The following PRR14 variants were observed in gnomAD, a reference collection of about 807,000 sequenced individuals.
The protein encoded by PRR14 is proline-rich protein 14.
Under a neutral mutation model 57.2 loss-of-function variants are expected in PRR14, and 33 were observed. That is an observed-to-expected ratio of 0.58 (90% CI 0.44 to 0.77). The LOEUF is 0.77. PRR14 is among the 30% of genes least tolerant of loss of function. The pLI is 0.00. For missense variants in PRR14, 716 were observed against 788.1 expected (o/e 0.91, Z 1.10); for synonymous variants, 303 against 314.7 (o/e 0.96, Z 0.39).
At position 30,651,285 on chromosome 16, in the gene PRR14, CGTGGATCCCGGGGGATCTCG is replaced by C. The variant is rs1405832260; in HGVS notation, c.-51+160_-51+179del. 3.0e-6 allele frequency: 1 copy of C among 332,686 alleles called. No individual in the cohort carries two copies. The highest frequency in any genetic ancestry group is 5.9e-6 in the Non-Finnish European group (1 of 170,454). 20.6% of individuals were successfully genotyped at this position (332,686 alleles called of 1,614,324 possible). ...AATAGCCTCCCAGGACCGGGATCCC[CGTGGATCCCGGGGGATCTCG>C]GGGCATAATCTGCAGGGACAAAGGC... On this transcript the variant is annotated intron_variant, in intron 1 of 11. Transcript: ENST00000300835. This position sits in a 1 kb window ranked among gnomAD's most constrained non-coding sequence, Gnocchi z 5.0.
rs747672213 is a variant in PRR14 at position 30,655,878 on chromosome 16, A to G, written c.1417A>G (p.Lys473Glu). The G allele has an allele frequency of 1.9e-6, 3 of 1,614,166 alleles. No homozygotes were observed. The highest frequency in any genetic ancestry group is 1.7e-5 in the Admixed American group (1 of 60,030). Residue 473 changes from lysine (K) to glutamate (E), a missense_variant, in exon 11 of 12, where the codon AAG becomes GAG. Physicochemically the swap from Lys to Glu is moderately conservative, Grantham distance 56. Transcript: ENST00000300835. This position sits in a 1 kb window ranked among gnomAD's most constrained non-coding sequence, Gnocchi z 4.6. Reference protein sequence around the residue: ...GLPRPIRLNKKEFSLEEIYTN... With the variant: ...GLPRPIRLNKEEFSLEEIYTN... ...GCTCTTTGCTCACAGGTTGAACAAG[A>G]AGGAGTTCAGCTTGGAAGAAATTTA...
Position 30,653,051 on chromosome 16 carries a change from C to T in PRR14, c.452C>T (p.Pro151Leu). Residue 151 changes from proline (P) to leucine (L), a missense_variant, in exon 5 of 12, where the codon CCC (proline) becomes CTC (leucine). Coordinates refer to ENST00000300835, the MANE Select transcript of PRR14 (RefSeq NM_024031.5). ...PSQKVDRAPQ[P>L]TLVVMLEDIA... The stretch of plus-strand genomic sequence containing the variant: ...CAAAAGGTGGACCGGGCCCCCCAGC[C>T]CACCCTGGTGGTGATGCTGGAAGAC... The T allele has an allele frequency of 1.2e-6, 2 of 1,613,732 alleles. No individual in the cohort carries two copies. Among genetic ancestry groups the T allele is most frequent in the South Asian group, 2.2e-5 (2 of 91,064 alleles).
chr16:30,653,417 G>A lies in PRR14; in HGVS notation c.548+9G>A, dbSNP rs375615127. 1 of 1,613,196 alleles carries A rather than the reference G, an allele frequency of 6.2e-7. No individual in the cohort carries two copies. Among genetic ancestry groups the A allele is most frequent in the Non-Finnish European group, 8.5e-7 (1 of 1,179,376 alleles). The stretch of plus-strand genomic sequence containing the variant: ...ATCATCCCAGCACAAAGGTGAGAGG[G>A]CTGGAGTAGGGATTATCAAAGGATC... On this transcript the variant is annotated intron_variant, in intron 6 of 11. Coordinates refer to ENST00000300835, the MANE Select transcript of PRR14 (RefSeq NM_024031.5).
intron 6 of PRR14, 86 bp from the exon 7 acceptor site, chr16:30,654,142 AAG>A: frequency 6.7e-6 from 6 of 897,066 alleles, no homozygotes; most frequent in Non-Finnish European, 1.1e-5. Flanking sequence ...AAAAAAAAAA[AAG>A]AAGAAGCCTT....
In PRR14 at chr16:30,656,092, C is replaced by T. The variant is rs776822742; in HGVS notation, c.1539C>T (p.Ser513=). 2 of 1,559,870 alleles carry T rather than the reference C, an allele frequency of 1.3e-6. No individual in the cohort carries two copies. Among genetic ancestry groups the T allele is most frequent in the East Asian group, 4.5e-5 (2 of 44,564 alleles). Residue 513 remains serine, a synonymous_variant, in exon 12 of 12, where the codon AGC becomes AGT. Transcript: ENST00000300835. Reference sequence around the variant, plus strand: ...GCAATGGGACTCTGATTTTCACCAGCTCAAGGAAGCTCCGGCGGGCTGTGG... The same window carrying T: ...GCAATGGGACTCTGATTTTCACCAGTTCAAGGAAGCTCCGGCGGGCTGTGG... ...RERNGTLIFT[S]SRKLRRAVEF...
rs897650237 is a variant in PRR14, at chr16:30,651,150, C to A, written c.-51+23C>A. On this transcript the variant is annotated intron_variant, in intron 1 of 11. Transcript: ENST00000300835. The surrounding 1 kb of genome is among the most constrained non-coding windows in gnomAD (Gnocchi z 5.0). The stretch of plus-strand genomic sequence containing the variant: ...GCTGTAGGATTCTTTCCTCAGGGAT[C>A]CAGTCTAGGGGATCTGGTGGGATGG... 8 of 436,728 alleles carry A rather than the reference C, an allele frequency of 1.8e-5. No individual in the cohort carries two copies. Among genetic ancestry groups the A allele is most frequent in the Non-Finnish European group, 2.8e-5 (6 of 212,472 alleles). The allele number at this position is 436,728 out of a possible 1,614,324, so 27.1% of individuals were successfully genotyped here. A position where few individuals can be genotyped will look rare whatever the true frequency, so the allele number is the denominator to read the frequency against.
chr16:30,653,540 G>T, intron 6 of PRR14, 132 bp downstream of exon 6: 2 of 953,146 alleles, frequency 2.1e-6, no homozygotes, highest in Non-Finnish European at 3.3e-6. Context: ...TAAGGGGCCG[G>T]GCACGCCCAT....
intron 6 of PRR14, 169 bp from the exon 7 acceptor site, chr16:30,654,061 C>T: frequency 1.6e-6 from 1 of 625,448 alleles, no homozygotes; most frequent in Non-Finnish European, 2.8e-6. Context: ...CCTGGGAGTT[C>T]AAGGCTGCAG....
Position 30,651,477 on chromosome 16 carries a change from T to C in PRR14, c.-50-119T>C. The C allele has an allele frequency of 2.0e-6, 1 of 500,242 alleles. No homozygotes were observed. 31.0% of individuals were successfully genotyped at this position (500,242 alleles called of 1,614,324 possible). On this transcript the variant is annotated intron_variant, in intron 1 of 11. Transcript: ENST00000300835. This position sits in a 1 kb window ranked among gnomAD's most constrained non-coding sequence, Gnocchi z 5.0. ...CGGGCGACCGGCCGGGGGCGCCCTT[T>C]CGCGCCCCAGGGCTGCGGCCGCTGG...
chr16:30,656,243 C>T lies in PRR14; in HGVS notation c.1690C>T (p.Leu564=), dbSNP rs757118275. The T allele has an allele frequency of 6.2e-7, 1 of 1,613,332 alleles. No homozygotes were observed. The highest frequency in any genetic ancestry group is 8.5e-7 in the Non-Finnish European group (1 of 1,179,988). Residue 564 remains leucine, a synonymous_variant, in exon 12 of 12, where the codon CTG becomes TTG. Transcript: ENST00000300835. ...PDVGPLLQQR[L]EELDALLLEE... is the part of the protein sequence containing the mutation. ...TGTGGGCCCCCTGCTCCAGCAGCGG[C>T]TGGAGGAGCTAGATGCCTTGCTCCT...
chr16:30,652,994 G>A lies in PRR14; in HGVS notation c.395G>A (p.Arg132Lys). 6.2e-7 allele frequency: 1 copy of A among 1,614,146 alleles called. No homozygotes were observed. The change falls in exon 5 of 12, where the codon AGG (arginine) becomes AAG (lysine). Residue 132 changes from arginine to lysine, a missense_variant. By Grantham distance (26) the Arg-to-Lys change is conservative. Coordinates refer to ENST00000300835, the MANE Select transcript of PRR14 (RefSeq NM_024031.5). ...RTSSTLRRRS[R>K]TTPGPEEGPS... ...TCTTCCACCCTGAGGCGGCGATCAAGGACAACCCCTGGCCCAGAGGAGGGC... is the reference window on the plus strand; with the variant it reads ...TCTTCCACCCTGAGGCGGCGATCAAAGACAACCCCTGGCCCAGAGGAGGGC...
At position 30,656,284 on chromosome 16, in the gene PRR14, A is replaced by G. The variant is rs1485880485; in HGVS notation, c.1731A>G (p.Val577=). The G allele has an allele frequency of 1.2e-6, 2 of 1,612,594 alleles. No homozygotes were observed. Among genetic ancestry groups the G allele is most frequent in the African/African-American group, 2.7e-5 (2 of 74,890 alleles). The change falls in exon 12 of 12, where the codon GTA becomes GTG. Residue 577 remains valine (V), a synonymous_variant. Transcript: ENST00000300835. ...CCTTGCTCCTGGAGGAAGAAACAGTAGATCGGGAGCAGCCCCACTGGACCT... is the reference window on the plus strand; with the variant it reads ...CCTTGCTCCTGGAGGAAGAAACAGTGGATCGGGAGCAGCCCCACTGGACCT... The part of the protein sequence containing the change: ...LDALLLEEET[V]DREQPHWT
chr16:30,651,321 G>A lies in PRR14; in HGVS notation c.-51+194G>A, dbSNP rs1358593067. On this transcript the variant is annotated intron_variant, in intron 1 of 11. Coordinates refer to ENST00000300835, the MANE Select transcript of PRR14 (RefSeq NM_024031.5). This position sits in a 1 kb window ranked among gnomAD's most constrained non-coding sequence, Gnocchi z 5.0. Reference sequence around the variant, plus strand: ...GGGGATCTCGGGGCATAATCTGCAGGGACAAAGGCCTCGGGAGGCTCGGGC... The same window carrying A: ...GGGGATCTCGGGGCATAATCTGCAGAGACAAAGGCCTCGGGAGGCTCGGGC... The A allele has an allele frequency of 2.5e-6, 1 of 402,178 alleles. No homozygotes were observed. Among genetic ancestry groups the A allele is most frequent in the Non-Finnish European group, 4.6e-6 (1 of 215,580 alleles). The allele number at this position is 402,178 out of a possible 1,614,324, so 24.9% of individuals were successfully genotyped here.
Position 30,655,439 on chromosome 16 carries a change from T to A in PRR14, c.1314+19T>A. The A allele has an allele frequency of 6.2e-7, 1 of 1,613,926 alleles. No individual in the cohort carries two copies. The highest frequency in any genetic ancestry group is 8.5e-7 in the Non-Finnish European group (1 of 1,179,870). ...GACCAAGGTAGGCATTCAGATCGGG[T>A]AGAAGAGACTAGTGGGGGCCTGAGC... On this transcript the variant is annotated intron_variant, in intron 9 of 11. Coordinates refer to ENST00000300835, the MANE Select transcript of PRR14 (RefSeq NM_024031.5). This position sits in a 1 kb window ranked among gnomAD's most constrained non-coding sequence, Gnocchi z 4.6.
chr16:30,654,416 G>A, intron 7 of PRR14, 77 bp downstream of exon 7: 1 of 1,299,096 alleles, frequency 7.7e-7, no homozygotes, highest in South Asian at 1.2e-5. Context: ...GTCAGGTACA[G>A]AGTTGGGGAT....
intron 3 of PRR14, 80 bp downstream of exon 3, chr16:30,652,044 G>A (rs2052319010): frequency 6.4e-6 from 9 of 1,414,530 alleles, no homozygotes; most frequent in Non-Finnish European, 8.6e-6. Context: ...CCCTACTGAG[G>A]ATAACTGAAG....
In PRR14 at chr16:30,655,219, T is replaced by C. The variant is rs754440219; in HGVS notation, c.1244+5T>C. On this transcript the variant is annotated splice_donor_5th_base_variant and intron_variant, in intron 8 of 11. Transcript: ENST00000300835. This position sits in a 1 kb window ranked among gnomAD's most constrained non-coding sequence, Gnocchi z 4.6. ...CTCCGAACCAGCAGAACCCAGGTAG[T>C]GCTCTCAAAAAACCCCCTTGAAGCC... 22 of 1,591,646 alleles carry C rather than the reference T, an allele frequency of 1.4e-5. No homozygotes were observed. The highest frequency in any genetic ancestry group is 1.7e-5 in the Admixed American group (1 of 57,798).
upstream of PRR14, chr16:30,650,959 C>G (rs1319045226): frequency 2.2e-6 from 1 of 445,082 alleles, no homozygotes; most frequent in Admixed American, 2.4e-5. Flanking sequence ...CGGGACCTCC[C>G]GGGATTGGAG....
chr16:30,656,009 G>A, intron 11 of PRR14, 23 bp from the exon 12 acceptor site: 11 of 1,591,080 alleles, frequency 6.9e-6, no homozygotes, highest in Non-Finnish European at 9.4e-6. Context: ...GATAAAACCA[G>A]CTCCTCTCCC....
Sources: allele counts gnomAD v4.1 joint callset, GRCh38; gene constraint gnomAD v4.1.1; non-coding constraint Gnocchi (gnomAD v3.1); transcripts MANE v1.5; gene names NCBI Gene and HGNC (gene_info 2026-07-23, HGNC 2026-07-21).